Variants in SORBS3 observed in about 807,000 individuals in gnomAD.
SORBS3 encodes sorbin and SH3 domain containing 3, also known as vinexin.
A neutral mutation model predicts 98.0 loss-of-function variants in SORBS3; 69 were observed. That is an observed-to-expected ratio of 0.70 (90% CI 0.58 to 0.86). The LOEUF is 0.86. SORBS3 is among the 40% of genes least tolerant of loss of function. The pLI, the probability that SORBS3 is intolerant of heterozygous loss-of-function variation, is 0.00. For missense variants in SORBS3, 954 were observed against 908.5 expected (o/e 1.05, Z -0.64); for synonymous variants, 394 against 355.4 (o/e 1.11, Z -1.22).
At chr8:22,553,418 C>T (rs556460765) in intron 1 of SORBS3, among the ~76,000 whole-genome samples, 3 of 152,208 alleles carry the variant, frequency 2.0e-5, no homozygotes, top group Non-Finnish European at 4.4e-5. Context: ...GCAGCCAAGA[C>T]GCGGAGGGAT....
At chr8:22,546,949 G>A (rs1289907904), upstream of SORBS3, among the ~76,000 whole-genome samples, 1 of 152,132 alleles carries the variant, frequency 6.6e-6, no homozygotes, top group African/African-American at 2.4e-5. Context: ...GACTCTACAG[G>A]TTATGGCAGT....
chr8:22,565,981 G>A, intron 12 of SORBS3, 109 bp downstream of exon 12: 1 of 779,654 alleles, frequency 1.3e-6, no homozygotes, highest in Non-Finnish European at 1.7e-6. Context: ...CCAGCCGGGG[G>A]AGGAAGGAAC....
In SORBS3 at chr8:22,571,558, G is replaced by T. The variant is rs148383703; in HGVS notation, c.1744-160G>T. 1.3e-3 allele frequency: 806 copies of T among 633,216 alleles called. 8 individuals carry two copies. In the African/African-American group the frequency reaches 0.013, roughly 10 times the overall value. 39.2% of individuals were successfully genotyped at this position (633,216 alleles called of 1,614,324 possible). On this transcript the variant is annotated intron_variant, in intron 18 of 20. Coordinates refer to ENST00000240123, the MANE Select transcript of SORBS3 (RefSeq NM_005775.5). ...CTGTGAAATGAAATAGTCACAGCAG[G>T]TGTCCCTGTGCCCTGGGGGTTTGGA...
intron 1 of SORBS3, among the ~76,000 whole-genome samples, chr8:22,552,742 C>G (rs1840107787): frequency 6.6e-6 from 1 of 152,248 alleles, no homozygotes; most frequent in African/African-American, 2.4e-5. Flanking sequence ...AAGCAGTCAG[C>G]TGGGCAGGGA....
chr8:22,551,171 C>CG (rs10716113), upstream of SORBS3, among the ~76,000 whole-genome samples: 29 of 151,992 alleles, frequency 1.9e-4, no homozygotes, highest in Non-Finnish European at 2.5e-4. The surrounding 1 kb of genome is among the most constrained non-coding windows in gnomAD (Gnocchi z 5.8). Flanking sequence ...GCGGCACGCC[C>CG]GGGGGGGCCG....
chr8:22,558,928 G>C (rs149787797), intron 5 of SORBS3, among the ~76,000 whole-genome samples: 1 of 152,234 alleles, frequency 6.6e-6, no homozygotes, highest in Non-Finnish European at 1.5e-5. Context: ...TTCTGGACGG[G>C]CAAGGAGAGC....
At chr8:22,561,134 C>T (rs1840286691) in intron 5 of SORBS3, 2 of 525,308 alleles carry the variant, frequency 3.8e-6, no homozygotes, top group East Asian at 3.3e-5. Context: ...TCGCTTAGGC[C>T]CCAAGCCTGC....
chr8:22,555,127 A>AG, intron 3 of SORBS3, 147 bp downstream of exon 3: 1 of 689,784 alleles, frequency 1.4e-6, no homozygotes, highest in Non-Finnish European at 2.5e-6. Context: ...TGGGCTCACT[A>AG]TGAGCCCCTC....
At chr8:22,559,714 A>C (rs965427479) in intron 5 of SORBS3, among the ~76,000 whole-genome samples, 1 of 150,694 alleles carries the variant, frequency 6.6e-6, no homozygotes, top group Non-Finnish European at 1.5e-5. Context: ...AAAAAAAAAA[A>C]GAAAAAAAGA....
At chr8:22,566,133 G>A in intron 12 of SORBS3, 1 of 667,202 alleles carries the variant, frequency 1.5e-6, no homozygotes, top group Non-Finnish European at 2.2e-6. Context: ...CCCCGCCACG[G>A]CCCAGGCACT....
chr8:22,551,977 G>A lies in SORBS3; in HGVS notation c.-101G>A, dbSNP rs1840090854. The A allele has an allele frequency of 3.0e-6, 3 of 984,940 alleles. No homozygotes were observed. The Admixed American group carries it at 1.8e-4, about 61-fold the overall frequency. The allele number at this position is 984,940 out of a possible 1,614,324, so 61.0% of individuals were successfully genotyped here. A position where few individuals can be genotyped will look rare whatever the true frequency, so the allele number is the denominator to read the frequency against. On this transcript the variant is annotated 5_prime_UTR_variant, in exon 1 of 21. Coordinates refer to ENST00000240123, the MANE Select transcript of SORBS3 (RefSeq NM_005775.5). This position sits in a 1 kb window ranked among gnomAD's most constrained non-coding sequence, Gnocchi z 5.8. ...GCAGCAGCCGGGCAGGGATGCTCCT[G>A]CGCTCCCGGGCGGCCTCGGGCCCAG... is the stretch of plus-strand genomic sequence containing the variant.
At chr8:22,572,256 C>A in intron 19 of SORBS3, 84 bp from the exon 20 acceptor site, 1 of 1,102,274 alleles carries the variant, frequency 9.1e-7, no homozygotes, top group South Asian at 1.3e-5. Flanking sequence ...CATGAAGGGA[C>A]CCTGGGGCAT....
intron 5 of SORBS3, among the ~76,000 whole-genome samples, chr8:22,560,041 T>C (rs1840260653): frequency 7.0e-6 from 1 of 143,856 alleles, no homozygotes; most frequent in South Asian, 2.2e-4. Context: ...CACTCCAGCC[T>C]GGGTGACTCA....
intron 1 of SORBS3, among the ~76,000 whole-genome samples, chr8:22,552,305 G>A (rs1031341309): frequency 2.0e-5 from 3 of 151,994 alleles, no homozygotes; most frequent in Non-Finnish European, 2.9e-5. Context: ...CAGCAGAGCC[G>A]CCTCCCCTCT....
At chr8:22,566,528 C>T (rs1006431570) in intron 13 of SORBS3, 44 bp downstream of exon 13, 1 of 1,602,580 alleles carries the variant, frequency 6.2e-7, no homozygotes, top group Middle Eastern at 1.7e-4. Flanking sequence ...GATGCCCACC[C>T]ACCAGGCATG....
At chr8:22,564,880 G>A in intron 10 of SORBS3, 1 of 1,268,290 alleles carries the variant, frequency 7.9e-7, no homozygotes, top group Non-Finnish European at 1.0e-6. Flanking sequence ...GGGGGTGGGG[G>A]CTCCGGTCCC....
At position 22,566,436 on chromosome 8, in the gene SORBS3, A is replaced by T; in HGVS notation, c.1042A>T (p.Ser348Cys). 6.2e-7 allele frequency: 1 copy of T among 1,613,982 alleles called. No individual in the cohort carries two copies. The highest frequency in any genetic ancestry group is 8.5e-7 in the Non-Finnish European group (1 of 1,179,928). Reference protein sequence around the residue: ...LSPHKMADGGSPFLGRRDFVY... With the variant: ...LSPHKMADGGCPFLGRRDFVY... ...TCCCCACAAAATGGCTGATGGAGGA[A>T]GCCCCTTCCTAGGTCGGAGGGACTT... The change falls in exon 13 of 21, where the codon AGC becomes TGC. Residue 348 changes from serine to cysteine, a missense_variant. Ser to Cys is a moderately radical substitution (Grantham distance 112). Transcript: ENST00000240123.
At position 22,575,180 on chromosome 8, in the gene SORBS3, C is replaced by G. The variant is rs1840702646; in HGVS notation, c.*452C>G. ...GCTGGGGTTCCTCCCAGCACCCCAGCTTGCTGGCTGCCCTCTTTGCCTTCT... is the reference window on the plus strand; with the variant it reads ...GCTGGGGTTCCTCCCAGCACCCCAGGTTGCTGGCTGCCCTCTTTGCCTTCT... On this transcript the variant is annotated 3_prime_UTR_variant, in exon 21 of 21. Transcript: ENST00000240123. 1 of 318,022 alleles carries G rather than the reference C, an allele frequency of 3.1e-6. No homozygotes were observed. The highest frequency in any genetic ancestry group is 6.2e-6 in the Non-Finnish European group (1 of 161,206). The allele number at this position is 318,022 out of a possible 1,614,324, so 19.7% of individuals were successfully genotyped here.
intron 1 of SORBS3, among the ~76,000 whole-genome samples, chr8:22,552,972 C>G (rs1020155856): frequency 2.0e-5 from 3 of 152,202 alleles, no homozygotes. Flanking sequence ...AGAGCTGTGT[C>G]GCAGCAACTC....
Sources: allele counts gnomAD v4.1 joint callset (sites outside exome capture counted in the v4.1 genomes callset), GRCh38; gene constraint gnomAD v4.1.1; non-coding constraint Gnocchi (gnomAD v3.1); transcripts MANE v1.5; gene names NCBI Gene and HGNC (gene_info 2026-07-23, HGNC 2026-07-21).